KANK4: variants seen among roughly 807,000 people sequenced by gnomAD.
KANK4 encodes KN motif and ankyrin repeat domain-containing protein 4.
Under a neutral mutation model 80.8 loss-of-function variants are expected in KANK4, and 50 were observed. The observed-to-expected ratio is 0.62, with a 90% CI of 0.49 to 0.78. The LOEUF (loss-of-function observed/expected upper bound fraction) is 0.78. Among genes scored for constraint, KANK4 ranks in the 30% least tolerant of loss-of-function variants. The pLI is 0.00. For missense variants in KANK4, 1,196 were observed against 1,240.1 expected (o/e 0.96, Z 0.53); for synonymous variants, 465 against 506.9 (o/e 0.92, Z 1.11).
intron 1 of KANK4, among the ~76,000 whole-genome samples, chr1:62,305,586 C>T (rs1029061936): frequency 1.3e-5 from 2 of 152,018 alleles, no homozygotes; most frequent in African/African-American, 4.8e-5. Flanking sequence ...TCAGGGATTA[C>T]AGGTGTGAGC....
chr1:62,292,418 T>C (rs1248306569), intron 1 of KANK4, among the ~76,000 whole-genome samples: 2 of 152,182 alleles, frequency 1.3e-5, no homozygotes, highest in Non-Finnish European at 2.9e-5. Flanking sequence ...TGCCCTTACA[T>C]GGTGCCACTT....
chr1:62,273,572 C>G lies in KANK4; in HGVS notation c.1532G>C (p.Gly511Ala), dbSNP rs1672221691. ...IEEAGTEQEG[G>A]PQGGTRGAGG... The stretch of plus-strand genomic sequence containing the variant: ...TGCTCCCCTGGTTCCTCCCTGAGGG[C>G]CTCCTTCCTGTTCAGTGCCTGCTTC... The change falls in exon 3 of 10, where the codon GGC (glycine) becomes GCC (alanine). Residue 511 changes from glycine (G) to alanine (A), a missense_variant. This residue lies in a region of KANK4 where 1,154 missense variants were observed against 1,179.6 expected (regional missense o/e 0.98). Transcript: ENST00000371153. 6.2e-7 allele frequency: 1 copy of G among 1,613,982 alleles called. No homozygotes were observed. Among genetic ancestry groups the G allele is most frequent in the African/African-American group, 1.3e-5 (1 of 74,916 alleles).
intron 1 of KANK4, among the ~76,000 whole-genome samples, chr1:62,304,544 A>G (rs2149168873): frequency 6.6e-6 from 1 of 151,860 alleles, no homozygotes; most frequent in South Asian, 2.1e-4. Flanking sequence ...TAACTTCCCC[A>G]GCTCCTGTCT....
At chr1:62,296,581 T>C (rs1164740974) in intron 1 of KANK4, among the ~76,000 whole-genome samples, 1 of 152,160 alleles carries the variant, frequency 6.6e-6, no homozygotes, top group Non-Finnish European at 1.5e-5. Flanking sequence ...AGACAGGGTC[T>C]CGCTCTGACA....
chr1:62,304,828 A>G (rs1644438446), intron 1 of KANK4, among the ~76,000 whole-genome samples: 1 of 152,040 alleles, frequency 6.6e-6, no homozygotes. Context: ...CCTAACTCAG[A>G]TTTGTCCAAT....
intron 9 of KANK4, among the ~76,000 whole-genome samples, chr1:62,243,469 G>C (rs1282751229): frequency 6.6e-6 from 1 of 151,954 alleles, no homozygotes; most frequent in Non-Finnish European, 1.5e-5. Flanking sequence ...CTCCTGAGTA[G>C]CTGGGATTGC....
intron 8 of KANK4, among the ~76,000 whole-genome samples, chr1:62,249,384 A>ATT (rs1230257678): frequency 2.8e-5 from 4 of 143,832 alleles, no homozygotes; most frequent in African/African-American, 7.7e-5. Flanking sequence ...ATATACATGT[A>ATT]TTTTTTTTTT....
intron 1 of KANK4, among the ~76,000 whole-genome samples, chr1:62,282,414 A>C (rs942506781): frequency 1.3e-5 from 2 of 152,202 alleles, no homozygotes; most frequent in Non-Finnish European, 2.9e-5. Context: ...AACTCCACAT[A>C]CATCAGAATA....
chr1:62,309,284 G>C (rs1644479271), intron 1 of KANK4, among the ~76,000 whole-genome samples: 1 of 152,174 alleles, frequency 6.6e-6, no homozygotes, highest in Non-Finnish European at 1.5e-5. Context: ...CATGACCTAA[G>C]TTACCTCCCA....
chr1:62,258,605 C>T (rs997771923), intron 7 of KANK4, among the ~76,000 whole-genome samples: 5 of 152,108 alleles, frequency 3.3e-5, no homozygotes, highest in South Asian at 2.1e-4. Flanking sequence ...ACCTAGCTCC[C>T]GAGAGTCATC....
intron 1 of KANK4, among the ~76,000 whole-genome samples, chr1:62,314,612 G>C (rs958413449): frequency 6.6e-6 from 1 of 151,696 alleles, no homozygotes; most frequent in East Asian, 1.9e-4. Context: ...TTTGACGTCA[G>C]AGCCACAAAT....
intron 8 of KANK4, 42 bp from the exon 9 acceptor site, chr1:62,247,714 T>G (rs1671505598): frequency 6.4e-7 from 1 of 1,568,346 alleles, no homozygotes; most frequent in Non-Finnish European, 8.7e-7. Flanking sequence ...TTGCTGCCAG[T>G]GGGGAAGGAC....
intron 7 of KANK4, among the ~76,000 whole-genome samples, chr1:62,261,451 T>C (rs1433922562): frequency 2.6e-5 from 4 of 151,808 alleles, no homozygotes; most frequent in Non-Finnish European, 5.9e-5. Context: ...TGAGCCACCA[T>C]GCCTGACCTC....
chr1:62,303,501 G>A (rs1258535935), intron 1 of KANK4, among the ~76,000 whole-genome samples: 1 of 151,892 alleles, frequency 6.6e-6, no homozygotes, highest in East Asian at 1.9e-4. Context: ...TTACAAAGGT[G>A]CCCAAAAGCA....
At chr1:62,283,355 A>T (rs1672492456) in intron 1 of KANK4, among the ~76,000 whole-genome samples, 1 of 152,134 alleles carries the variant, frequency 6.6e-6, no homozygotes, top group African/African-American at 2.4e-5. Flanking sequence ...GATTATTATT[A>T]TTCCTATTTT....
chr1:62,270,823 T>C (rs748510917), intron 4 of KANK4, among the ~76,000 whole-genome samples: 28 of 152,152 alleles, frequency 1.8e-4, no homozygotes, highest in Non-Finnish European at 4.0e-4. Context: ...CTTCCTCACC[T>C]AACAAAACTT....
In KANK4 at chr1:62,274,652, G is replaced by T. The variant is rs780054641; in HGVS notation, c.452C>A (p.Thr151Asn). 26 of 1,614,086 alleles carry T rather than the reference G, an allele frequency of 1.6e-5. No individual in the cohort carries two copies. Among genetic ancestry groups the T allele is most frequent in the Non-Finnish European group, 2.2e-5 (26 of 1,180,048 alleles). ...EAAEPEDAEL[T>N]FGSGRPQLLR... Reference sequence around the variant, plus strand: ...GAGCTGGGGCCGTCCACTCCCAAAAGTGAGCTCGGCATCCTCTGGCTCAGC... The same window carrying T: ...GAGCTGGGGCCGTCCACTCCCAAAATTGAGCTCGGCATCCTCTGGCTCAGC... Residue 151 changes from threonine (T) to asparagine (N), a missense_variant, in exon 3 of 10, where the codon ACT becomes AAT. Around this residue, in one of 3 missense-constraint regions of KANK4, gnomAD observed 1,154 missense variants for 1,179.6 expected, o/e 0.98. Transcript: ENST00000371153.
At chr1:62,249,702 C>T (rs1671565836) in intron 8 of KANK4, among the ~76,000 whole-genome samples, 1 of 151,986 alleles carries the variant, frequency 6.6e-6, no homozygotes, top group East Asian at 2.0e-4. Context: ...ACCATTACGC[C>T]AGGCTAATTT....
intron 1 of KANK4, among the ~76,000 whole-genome samples, chr1:62,316,698 T>C (rs1048566127): frequency 6.6e-6 from 1 of 152,194 alleles, no homozygotes; most frequent in African/African-American, 2.4e-5. Context: ...ATCTCAAAGA[T>C]ATATGCAATA....
Sources: gnomAD v4.1 joint callset for allele counts (sites outside exome capture counted in the v4.1 genomes callset) on GRCh38, gnomAD v4.1.1 for gene constraint, gnomAD v4.1.1 regional missense constraint, MANE v1.5 for transcripts, NCBI Gene and HGNC (gene_info 2026-07-23, HGNC 2026-07-21) for gene names.